CHID1: variants seen among roughly 807,000 people sequenced by gnomAD.
CHID1 encodes chitinase domain containing 1, also known as chitinase domain-containing protein 1.
In CHID1, 44 loss-of-function variants were observed where a neutral mutation model predicts 55.4. That is an observed-to-expected ratio of 0.79 (90% CI 0.62 to 1.02). The LOEUF is 1.02. Among genes scored for constraint, CHID1 ranks in the 50% least tolerant of loss-of-function variants. The pLI is 0.00. For missense variants in CHID1, 491 were observed against 515.3 expected, an observed-to-expected ratio of 0.95 and a Z score of 0.46; for synonymous variants, 216 against 212.9, an observed-to-expected ratio of 1.01 and a Z score of -0.13.
chr11:908,414 C>T (rs560651946), intron 1 of CHID1: 56 of 193,798 alleles, frequency 2.9e-4, no homozygotes, highest in African/African-American at 1.3e-3. Context: ...CAGCAGCCTG[C>T]TGCCACCTCC....
At chr11:907,774 C>T (rs1852349364) in intron 1 of CHID1, among the ~76,000 whole-genome samples, 1 of 152,178 alleles carries the variant, frequency 6.6e-6, no homozygotes, top group Admixed American at 6.5e-5. Context: ...GTCACAGGCT[C>T]CTGAGTATAT....
At chr11:904,082 A>T (rs1852028365) in intron 2 of CHID1, among the ~76,000 whole-genome samples, 2 of 152,280 alleles carry the variant, frequency 1.3e-5, no homozygotes, top group Middle Eastern at 3.4e-3. Flanking sequence ...TCTTCTGTCC[A>T]CACTCTGTGG....
chr11:890,348 C>T lies in CHID1; in HGVS notation c.701+3079G>A, dbSNP rs575578504. ...TGTGCAAACGTGCTTGCTGGGGATA[C>T]GGTGACGGCGCCCCCATGCGTCACC... is the stretch of plus-strand genomic sequence containing the variant. On this transcript the variant is annotated intron_variant, in intron 8 of 12. Coordinates refer to ENST00000323578, the MANE Select transcript of CHID1 (RefSeq NM_023947.4). Among the ~76,000 whole-genome samples the T allele has an allele frequency of 4.5e-4, 68 of 152,346 alleles. 1 individual carries two copies. Among genetic ancestry groups the T allele is most frequent in the Non-Finnish European group, 6.2e-4 (42 of 68,034 alleles).
chr11:890,307 C>G (rs11600388), intron 8 of CHID1, among the ~76,000 whole-genome samples: 1 of 152,254 alleles, frequency 6.6e-6, no homozygotes, highest in Non-Finnish European at 1.5e-5. Flanking sequence ...AGGTGGGCGA[C>G]GGGAGCAGGG....
In CHID1 at chr11:903,025, G is replaced by A; in HGVS notation, c.198C>T (p.Ser66=). 2 of 1,614,014 alleles carry A rather than the reference G, an allele frequency of 1.2e-6. No homozygotes were observed. Among genetic ancestry groups the A allele is most frequent in the Non-Finnish European group, 1.7e-6 (2 of 1,180,030 alleles). ...TGTCCCGGGCCTTTGCCGAGCAGTA[G>A]CTGCGATGCTCAAGAACCACACTCT... is the stretch of plus-strand genomic sequence containing the variant. ...KAESVVLEHR[S]YCSAKARDRH... is the part of the protein sequence containing the mutation. Residue 66 remains serine, a synonymous_variant, in exon 3 of 13, where the codon AGC becomes AGT. Coordinates refer to ENST00000323578, the MANE Select transcript of CHID1 (RefSeq NM_023947.4).
Position 875,981 on chromosome 11 carries a change from G to T in CHID1, c.960-5482C>A, listed in dbSNP as rs550050876. Among the ~76,000 whole-genome samples, 33 of 152,284 alleles carry T rather than the reference G, an allele frequency of 2.2e-4. No homozygotes were observed. The highest frequency in any genetic ancestry group is 6.7e-4 in the African/African-American group (28 of 41,548). On this transcript the variant is annotated intron_variant, in intron 10 of 12. Coordinates refer to ENST00000323578, the MANE Select transcript of CHID1 (RefSeq NM_023947.4). The surrounding 1 kb of genome is among the most constrained non-coding windows in gnomAD (Gnocchi z 4.7). ...GGCGCCGCATTGCTTGGCGGTGCAC[G>T]TGGTGTGTGGGGGCATGTGAGGCTG...
intron 7 of CHID1, among the ~76,000 whole-genome samples, chr11:893,952 C>T (rs1027802874): frequency 6.6e-6 from 1 of 151,826 alleles, no homozygotes; most frequent in African/African-American, 2.4e-5. Context: ...CGAAACCCCG[C>T]CTCTACTAAA....
chr11:903,935 A>AC (rs1852017524), intron 2 of CHID1, among the ~76,000 whole-genome samples: 1 of 94,616 alleles, frequency 1.1e-5, no homozygotes, highest in South Asian at 3.3e-4. Context: ...GCCTGCCACC[A>AC]CCCCCACCAA....
chr11:872,971 G>A (rs1849272193), intron 10 of CHID1, among the ~76,000 whole-genome samples: 2 of 152,214 alleles, frequency 1.3e-5, no homozygotes, highest in South Asian at 2.1e-4. Context: ...CCCCAGCCTG[G>A]TGGTTTGGCG....
chr11:906,372 G>A (rs1852215485), intron 1 of CHID1, among the ~76,000 whole-genome samples: 1 of 151,908 alleles, frequency 6.6e-6, no homozygotes. Context: ...CCGAGTAGCT[G>A]GGATTATAGG....
intron 7 of CHID1, among the ~76,000 whole-genome samples, chr11:898,529 CT>C (rs1304969645): frequency 1.3e-5 from 2 of 152,234 alleles, no homozygotes; most frequent in African/African-American, 4.8e-5. Context: ...AGGACGCCCC[CT>C]ACCAACATCC....
chr11:888,054 C>T (rs112258274), intron 8 of CHID1, among the ~76,000 whole-genome samples: 2 of 152,258 alleles, frequency 1.3e-5, no homozygotes, highest in South Asian at 4.1e-4. Context: ...CTCCACACCA[C>T]GCCCCTCAGT....
chr11:893,514 A>G lies in CHID1; in HGVS notation c.614T>C (p.Leu205Pro), dbSNP rs112060753. 2 of 1,549,108 alleles carry G rather than the reference A, an allele frequency of 1.3e-6. No individual in the cohort carries two copies. Among genetic ancestry groups the G allele is most frequent in the South Asian group, 2.4e-5 (2 of 83,896 alleles). The change falls in exon 8 of 13, where the codon CTC becomes CCC. Residue 205 changes from leucine (L) to proline (P), a missense_variant. Physicochemically the swap from Leu to Pro is moderately conservative, Grantham distance 98. Coordinates refer to ENST00000323578, the MANE Select transcript of CHID1 (RefSeq NM_023947.4). ...NQLLSQKRVG[L>P]IHMLTHLAEA... ...GGCCAAGTGGGTGAGCATGTGGATG[A>G]GGCCCCTGCAAGAACCGAGAGATGG...
chr11:876,578 C>T (rs1400862395), intron 10 of CHID1, among the ~76,000 whole-genome samples: 3 of 152,234 alleles, frequency 2.0e-5, no homozygotes, highest in Non-Finnish European at 2.9e-5. Context: ...AGGCATCACA[C>T]TCCCAGCAGC....
intron 2 of CHID1, chr11:903,547 G>A (rs180848761): frequency 1.3e-4 from 28 of 214,064 alleles, no homozygotes; most frequent in Admixed American, 2.8e-4. Flanking sequence ...TTGGGAGGCC[G>A]AGGCAGGTGG....
upstream of CHID1, among the ~76,000 whole-genome samples, chr11:913,352 T>C (rs1234583345): frequency 6.6e-6 from 1 of 152,210 alleles, no homozygotes; most frequent in Non-Finnish European, 1.5e-5. Context: ...GATTCTGTTA[T>C]CAATTCAGAC....
chr11:903,937 C>T (rs978444056), intron 2 of CHID1, among the ~76,000 whole-genome samples: 2 of 152,132 alleles, frequency 1.3e-5, no homozygotes, highest in Non-Finnish European at 2.9e-5. Flanking sequence ...CTGCCACCAC[C>T]CCCACCAATG....
chr11:886,103 A>G (rs1389636728), intron 8 of CHID1, among the ~76,000 whole-genome samples: 1 of 145,522 alleles, frequency 6.9e-6, no homozygotes, highest in Non-Finnish European at 1.5e-5. Context: ...GTGAGCCGAG[A>G]TCGTGCCACT....
At chr11:890,782 G>C (rs925896221) in intron 8 of CHID1, among the ~76,000 whole-genome samples, 1 of 152,190 alleles carries the variant, frequency 6.6e-6, no homozygotes, top group African/African-American at 2.4e-5. Context: ...CTGGAGGTCC[G>C]CAGAGTGCTC....
Sources: allele counts gnomAD v4.1 joint callset (sites outside exome capture counted in the v4.1 genomes callset), GRCh38; gene constraint gnomAD v4.1.1; non-coding constraint Gnocchi (gnomAD v3.1); transcripts MANE v1.5; gene names NCBI Gene and HGNC (gene_info 2026-07-23, HGNC 2026-07-21).